SEMA3C: variants seen among roughly 807,000 people sequenced by gnomAD.
SEMA3C encodes semaphorin-3C.
A neutral mutation model predicts 89.4 loss-of-function variants in SEMA3C; 47 were observed. The observed-to-expected ratio is 0.53, with a 90% CI of 0.42 to 0.67. The LOEUF (loss-of-function observed/expected upper bound fraction) is 0.67. Ranked by LOEUF, SEMA3C falls within the 30% of genes least tolerant of loss-of-function variation. The probability of loss-of-function intolerance (pLI) is 0.00; values close to 1 mark genes in which losing one functional copy is unlikely to be tolerated. For missense variants in SEMA3C, 839 were observed against 929.1 expected, an observed-to-expected ratio of 0.90 and a Z score of 1.26; for synonymous variants, 310 against 320.2, an observed-to-expected ratio of 0.97 and a Z score of 0.34.
Position 80,854,619 on chromosome 7 carries a change from C to T in SEMA3C, c.104-25874G>A, listed in dbSNP as rs557918574. 3.0e-4 allele frequency among the ~76,000 whole-genome samples: 45 copies of T among 152,154 alleles called. No homozygotes were observed. In the South Asian group the frequency reaches 6.2e-3, roughly 21 times the overall value. Reference sequence around the variant, plus strand: ...TATTTTAATATTAGTACAGGTATACCGGTGCCTATCAGTTGGGTACAAGAC... The same window carrying T: ...TATTTTAATATTAGTACAGGTATACTGGTGCCTATCAGTTGGGTACAAGAC... On this transcript the variant is annotated intron_variant, in intron 2 of 17. Coordinates refer to ENST00000265361, the MANE Select transcript of SEMA3C (RefSeq NM_006379.5).
At chr7:80,818,188 C>T in intron 5 of SEMA3C, 111 bp downstream of exon 5, 1 of 1,005,160 alleles carries the variant, frequency 9.9e-7, no homozygotes, top group Non-Finnish European at 1.4e-6. Context: ...ATTTAAAGGG[C>T]ATGAAAATAT....
chr7:80,881,265 T>C (rs1791334368), intron 2 of SEMA3C, among the ~76,000 whole-genome samples: 1 of 151,208 alleles, frequency 6.6e-6, no homozygotes, highest in African/African-American at 2.4e-5. Context: ...ATAAGACCAA[T>C]AAGATTATTC....
intron 2 of SEMA3C, among the ~76,000 whole-genome samples, chr7:80,880,391 T>C (rs1361591225): frequency 5.3e-5 from 8 of 152,216 alleles, no homozygotes; most frequent in Non-Finnish European, 7.3e-5. Flanking sequence ...TGTTCAAAGA[T>C]GTATTCTGAG....
At chr7:80,810,764 A>C in intron 5 of SEMA3C, 63 bp from the exon 6 acceptor site, 1 of 1,260,216 alleles carries the variant, frequency 7.9e-7, no homozygotes, top group Non-Finnish European at 1.2e-6. Flanking sequence ...ACAATTGTTC[A>C]TTAGTAAAAC....
In SEMA3C at chr7:80,840,518, GAAAAAAAA is replaced by G. The variant is rs1171113816; in HGVS notation, c.104-11781_104-11774del. On this transcript the variant is annotated intron_variant, in intron 2 of 17. Coordinates refer to ENST00000265361, the MANE Select transcript of SEMA3C (RefSeq NM_006379.5). ...TAGGTGACAGAGCACCTGTCTCCAGGAAAAAAAAAAAAAAAAAAAAAAAAAGAGCGAGA... is the reference window on the plus strand; with the variant it reads ...TAGGTGACAGAGCACCTGTCTCCAGGAAAAAAAAAAAAAAAAAGAGCGAGA... Among the ~76,000 whole-genome samples the G allele has an allele frequency of 3.8e-4, 31 of 82,528 alleles. No individual in the cohort carries two copies. In the East Asian group the frequency reaches 4.9e-3, roughly 13 times the overall value. The allele number at this position is 82,528 out of a possible 152,430, so 54.1% of individuals were successfully genotyped here.
chr7:80,893,877 A>G (rs1403693305), intron 2 of SEMA3C, among the ~76,000 whole-genome samples: 1 of 152,148 alleles, frequency 6.6e-6, no homozygotes, highest in African/African-American at 2.4e-5. Context: ...TGAAACAGAC[A>G]AGCACTTTTA....
In SEMA3C at chr7:80,789,532, G is replaced by A. The variant is rs773120043; in HGVS notation, c.1132-4C>T. 6.3e-7 allele frequency: 1 copy of A among 1,575,024 alleles called. No individual in the cohort carries two copies. The highest frequency in any genetic ancestry group is 1.2e-5 in the South Asian group (1 of 85,760). ...GTGTAAATGCTCCTCCTGGACACTA[G>A]AAAGAAAGTTTTAAAGAACCAAGTT... On this transcript the variant is annotated splice_polypyrimidine_tract_variant and splice_region_variant and intron_variant, in intron 11 of 17. Transcript: ENST00000265361.
chr7:80,862,389 T>G (rs55724406), intron 2 of SEMA3C, among the ~76,000 whole-genome samples: 15,157 of 150,844 alleles, frequency 0.1, 1,084 homozygotes, highest in African/African-American at 0.19. Flanking sequence ...AACCAAGGAG[T>G]CAAAAGACCT....
chr7:80,798,700 C>T (rs1303128671), intron 10 of SEMA3C, among the ~76,000 whole-genome samples: 1 of 152,074 alleles, frequency 6.6e-6, no homozygotes, highest in Non-Finnish European at 1.5e-5. Flanking sequence ...CACATGGTAT[C>T]CTGAATACTA....
intron 4 of SEMA3C, 86 bp from the exon 5 acceptor site, chr7:80,818,504 G>T: frequency 6.9e-7 from 1 of 1,452,748 alleles, no homozygotes; most frequent in Non-Finnish European, 9.4e-7. Flanking sequence ...GATCTTGTAT[G>T]ATAAGTAACA....
In SEMA3C at chr7:80,743,303, C is replaced by T. The variant is rs1787723694; in HGVS notation, c.*1591G>A. 1.3e-5 allele frequency: 2 copies of T among 151,682 alleles called. No homozygotes were observed. Among genetic ancestry groups the T allele is most frequent in the South Asian group, 2.1e-4 (1 of 4,812 alleles). The allele number at this position is 151,682 out of a possible 1,614,324, so 9.4% of individuals were successfully genotyped here. A position where few individuals can be genotyped will look rare whatever the true frequency, so the allele number is the denominator to read the frequency against. On this transcript the variant is annotated 3_prime_UTR_variant, in exon 18 of 18. Transcript: ENST00000265361. ...CTCCTCATATATTATCATAATTTAT[C>T]ATAGTTTAAATAGTGAATCATATTC...
intron 1 of SEMA3C, 71 bp downstream of exon 1, chr7:80,918,757 A>C: frequency 1.1e-6 from 1 of 931,000 alleles, no homozygotes; most frequent in Non-Finnish European, 1.3e-6. Flanking sequence ...ATGTATGAAA[A>C]ATCAATATAC....
At chr7:80,761,505 C>T (rs2117052958) in intron 14 of SEMA3C, 111 bp downstream of exon 14, 1 of 593,632 alleles carries the variant, frequency 1.7e-6, no homozygotes, top group Non-Finnish European at 2.9e-6. Flanking sequence ...TTAAGTAGTA[C>T]TCTTTATTTT....
rs1788682315 is a variant in SEMA3C, at chr7:80,781,102, G to GACACTTCTTCCACTATCACATCTCTA, written c.1354+8178_1354+8203dup. ...AAAGCCAGCTAAGTCACATTTCTCT[G>GACACTTCTTCCACTATCACATCTCTA]ACACTTCTTCCACTATCACATCTCT... is the stretch of plus-strand genomic sequence containing the variant. On this transcript the variant is annotated intron_variant, in intron 12 of 17. Transcript: ENST00000265361. 3.3e-5 allele frequency among the ~76,000 whole-genome samples: 5 copies of GACACTTCTTCCACTATCACATCTCTA among 152,270 alleles called. No individual in the cohort carries two copies. The South Asian group carries it at 1.0e-3, about 32-fold the overall frequency.
At chr7:80,825,046 T>C (rs1366339913) in intron 4 of SEMA3C, among the ~76,000 whole-genome samples, 2 of 152,198 alleles carry the variant, frequency 1.3e-5, no homozygotes, top group African/African-American at 2.4e-5. Context: ...TTTAAAAATA[T>C]TAGGTTATTA....
In SEMA3C at chr7:80,828,927, C is replaced by G. The variant is rs537858271; in HGVS notation, c.104-182G>C. On this transcript the variant is annotated intron_variant, in intron 2 of 17. Transcript: ENST00000265361. Reference sequence around the variant, plus strand: ...CCTGTAATCTCAGCACTTTGGGAGGCAAAGGTATGATGGTCACCTGAAGCC... The same window carrying G: ...CCTGTAATCTCAGCACTTTGGGAGGGAAAGGTATGATGGTCACCTGAAGCC... Among the ~76,000 whole-genome samples the G allele has an allele frequency of 5.9e-5, 9 of 152,198 alleles. No individual in the cohort carries two copies. The East Asian group carries it at 1.7e-3, about 29-fold the overall frequency.
intron 4 of SEMA3C, among the ~76,000 whole-genome samples, chr7:80,825,778 G>GA (rs1232447869): frequency 3.3e-5 from 5 of 151,750 alleles, no homozygotes; most frequent in Admixed American, 6.6e-5. Context: ...ACATCAATGG[G>GA]AAAAAAATCT....
intron 17 of SEMA3C, among the ~76,000 whole-genome samples, chr7:80,746,984 AAAAAAATG>A (rs1787817414): frequency 6.7e-6 from 1 of 149,712 alleles, no homozygotes; most frequent in Non-Finnish European, 1.5e-5. Context: ...TGTCTTACTT[AAAAAAATG>A]ATTAATGTTT....
rs113732490 is a variant in SEMA3C at position 80,821,920 on chromosome 7, T to A, written c.328-3502A>T. ...ATTAGCAATGAGCAGATTCCCACAC[T>A]ATCTGTTGCTCAATGTGCTCCCTGC... On this transcript the variant is annotated intron_variant, in intron 4 of 17. Coordinates refer to ENST00000265361, the MANE Select transcript of SEMA3C (RefSeq NM_006379.5). Among the ~76,000 whole-genome samples, 11 of 152,074 alleles carry A rather than the reference T, an allele frequency of 7.2e-5. No homozygotes were observed. In the East Asian group the frequency reaches 9.7e-4, roughly 13 times the overall value.
Sources: allele counts gnomAD v4.1 joint callset (sites outside exome capture counted in the v4.1 genomes callset), GRCh38; gene constraint gnomAD v4.1.1; transcripts MANE v1.5; gene names NCBI Gene and HGNC (gene_info 2026-07-23, HGNC 2026-07-21).